CTIF: variants seen among roughly 807,000 people sequenced by gnomAD.
CTIF encodes the protein CBP80/20-dependent translation initiation factor.
Under a neutral mutation model 66.0 loss-of-function variants are expected in CTIF, and 21 were observed. The observed-to-expected ratio is 0.32, with a 90% confidence interval of 0.23 to 0.46. CTIF has a LOEUF of 0.46. Ranked by LOEUF, CTIF falls within the 20% of genes least tolerant of loss-of-function variation. The pLI, the probability that CTIF is intolerant of heterozygous loss-of-function variation, is 1.00. For missense variants in CTIF, 739 were observed against 812.7 expected (o/e 0.91, Z 1.10); for synonymous variants, 345 against 326.4 (o/e 1.06, Z -0.62).
chr18:48,694,984 C>A (rs894406603), intron 6 of CTIF, among the ~76,000 whole-genome samples: 1 of 152,230 alleles, frequency 6.6e-6, no homozygotes, highest in East Asian at 1.9e-4. Flanking sequence ...AGACCTTATC[C>A]TTTGTCATTT....
intron 1 of CTIF, among the ~76,000 whole-genome samples, chr18:48,592,908 G>A (rs2089917710): frequency 6.6e-6 from 1 of 152,260 alleles, no homozygotes; most frequent in Non-Finnish European, 1.5e-5. Flanking sequence ...TCTTGTTCCG[G>A]AGAGGCAGGC....
chr18:48,650,321 T>A (rs948518353), intron 3 of CTIF, among the ~76,000 whole-genome samples: 4 of 152,166 alleles, frequency 2.6e-5, no homozygotes, highest in African/African-American at 9.7e-5. Context: ...GCATGAGAAC[T>A]CGTGACGCAT....
At chr18:48,730,307 A>AG (rs1292183669) in intron 7 of CTIF, among the ~76,000 whole-genome samples, 1 of 143,346 alleles carries the variant, frequency 7.0e-6, no homozygotes, top group Non-Finnish European at 1.5e-5. Context: ...CTGAGGTGTG[A>AG]GGGGCTTCTG....
At chr18:48,580,369 C>G (rs1284363523) in intron 1 of CTIF, among the ~76,000 whole-genome samples, 1 of 152,106 alleles carries the variant, frequency 6.6e-6, no homozygotes, top group African/African-American at 2.4e-5. Flanking sequence ...TTCCTCCGTT[C>G]CAAGATATCT....
chr18:48,593,576 G>A (rs879651111), intron 1 of CTIF, among the ~76,000 whole-genome samples: 3 of 151,562 alleles, frequency 2.0e-5, no homozygotes, highest in Non-Finnish European at 4.4e-5. Context: ...TAGAGACGGG[G>A]TTTCACCGTA....
chr18:48,655,681 G>T (rs1339369005), intron 3 of CTIF, among the ~76,000 whole-genome samples: 1 of 152,158 alleles, frequency 6.6e-6, no homozygotes, highest in Admixed American at 6.5e-5. Context: ...CCATTCAGGA[G>T]GCCGGGGCTG....
chr18:48,546,257 C>T, intron 1 of CTIF, among the ~76,000 whole-genome samples: 1 of 152,134 alleles, frequency 6.6e-6, no homozygotes, highest in East Asian at 1.9e-4. Context: ...GGCAAACGTC[C>T]AGTCTTTGCA....
chr18:48,838,068 A>ATT (rs10708184), intron 10 of CTIF, among the ~76,000 whole-genome samples: 14 of 150,348 alleles, frequency 9.3e-5, no homozygotes, highest in South Asian at 6.3e-4. Flanking sequence ...AGAAGAACTG[A>ATT]TTTTTTTTTT....
intron 6 of CTIF, among the ~76,000 whole-genome samples, chr18:48,672,917 C>T (rs2091559573): frequency 6.6e-6 from 1 of 152,136 alleles, no homozygotes; most frequent in African/African-American, 2.4e-5. Context: ...CCTGTCAGTC[C>T]CTCCCCTGAT....
intron 9 of CTIF, among the ~76,000 whole-genome samples, chr18:48,801,954 T>C (rs745702360): frequency 2.6e-5 from 4 of 152,266 alleles, no homozygotes; most frequent in Non-Finnish European, 4.4e-5. Context: ...ATCCAACTTA[T>C]GCTTCAGTTT....
chr18:48,565,244 A>C (rs2089253967), intron 1 of CTIF: 1 of 152,078 alleles, frequency 6.6e-6, no homozygotes. Flanking sequence ...CACTGCCTTC[A>C]TCAGTGACGC....
rs150332855 is a variant in CTIF at position 48,648,468 on chromosome 18, A to AACACACACACAC, written c.252+11792_252+11803dup. Among the ~76,000 whole-genome samples the AACACACACACAC allele has an allele frequency of 4.4e-3, 655 of 148,552 alleles. 4 individuals carry two copies. Among genetic ancestry groups the AACACACACACAC allele is most frequent in the Middle Eastern group, 0.017 (5 of 290 alleles). ...GTCTGGGGTGCCGTCCTTCGTTCTG[A>AACACACACACAC]ACACACACACACACACACACGCACA... On this transcript the variant is annotated intron_variant, in intron 3 of 11. Transcript: ENST00000256413.
intron 1 of CTIF, among the ~76,000 whole-genome samples, chr18:48,575,726 C>T (rs530681250): frequency 3.9e-5 from 6 of 152,380 alleles, no homozygotes; most frequent in South Asian, 2.1e-4. Flanking sequence ...CTCCCTGCCC[C>T]GGATGCCTTT....
chr18:48,727,105 C>CACACAG (rs60723343), intron 7 of CTIF, among the ~76,000 whole-genome samples: 19 of 150,626 alleles, frequency 1.3e-4, no homozygotes, highest in African/African-American at 4.6e-4. Flanking sequence ...CACACACACA[C>CACACAG]GTAGCCAACA....
At chr18:48,589,979 C>G (rs1022575348) in intron 1 of CTIF, among the ~76,000 whole-genome samples, 1 of 152,236 alleles carries the variant, frequency 6.6e-6, no homozygotes, top group Non-Finnish European at 1.5e-5. Context: ...GGTAGGCCTG[C>G]CCCTGCTTTC....
At chr18:48,575,002 G>A (rs533219890) in intron 1 of CTIF, among the ~76,000 whole-genome samples, 21 of 152,324 alleles carry the variant, frequency 1.4e-4, no homozygotes, top group African/African-American at 4.8e-4. Flanking sequence ...CAGGTGTTGG[G>A]AACTGGGTAT....
At chr18:48,649,226 C>A (rs1025885536) in intron 3 of CTIF, among the ~76,000 whole-genome samples, 2 of 152,126 alleles carry the variant, frequency 1.3e-5, no homozygotes, top group Admixed American at 6.5e-5. Flanking sequence ...ACAGATGGTA[C>A]CTGGAAAAAT....
intron 3 of CTIF, among the ~76,000 whole-genome samples, chr18:48,644,487 A>G (rs928780882): frequency 6.6e-6 from 1 of 152,214 alleles, no homozygotes; most frequent in East Asian, 1.9e-4. Flanking sequence ...CTCTGTGCTC[A>G]CCAGCGTGTA....
chr18:48,780,974 C>T lies in CTIF; in HGVS notation c.1371+19285C>T, dbSNP rs188404060. ...GGCATGATTTTTCCTGTACTCAGAT[C>T]GCAAAAGACTAGCAAGCCAATATGT... On this transcript the variant is annotated intron_variant, in intron 9 of 11. Coordinates refer to ENST00000256413, the MANE Select transcript of CTIF (RefSeq NM_014772.3). Among the ~76,000 whole-genome samples, 73 of 152,316 alleles carry T rather than the reference C, an allele frequency of 4.8e-4. 2 individuals carry two copies. The highest frequency in any genetic ancestry group is 4.6e-3 in the Admixed American group (71 of 15,312).
Sources: allele counts gnomAD v4.1 joint callset (sites outside exome capture counted in the v4.1 genomes callset), GRCh38; gene constraint gnomAD v4.1.1; transcripts MANE v1.5; gene names NCBI Gene and HGNC (gene_info 2026-07-23, HGNC 2026-07-21).